DMD: variants seen among roughly 807,000 people sequenced by gnomAD.
DMD encodes the protein mutant dystrophin.
A neutral mutation model predicts 330.1 loss-of-function variants in DMD; 63 were observed. That is an observed-to-expected ratio of 0.19 (90% CI 0.16 to 0.24). The LOEUF (loss-of-function observed/expected upper bound fraction) is 0.24. Among genes scored for constraint, DMD ranks in the 10% least tolerant of loss-of-function variants. The probability of loss-of-function intolerance (pLI) is 1.00; values close to 1 mark genes in which losing one functional copy is unlikely to be tolerated. For missense variants in DMD, 3,344 were observed against 2,684.1 expected (o/e 1.25, Z -5.43); for synonymous variants, 1,223 against 959.8 (o/e 1.27, Z -5.07).
At chrX:33,047,785 C>T (rs964860524) in intron 1 of DMD, among the ~76,000 whole-genome samples, 35 of 111,678 alleles carry the variant, frequency 3.1e-4, no homozygotes, top group Admixed American at 9.6e-4. Context: ...CTCAGAATTA[C>T]CTGCTTCTCC....
intron 42 of DMD, among the ~76,000 whole-genome samples, chrX:32,303,629 G>A (rs1463419677): frequency 1.8e-5 from 2 of 110,825 alleles, no homozygotes; most frequent in East Asian, 2.8e-4. Context: ...TAACAGAGGA[G>A]CACATAACTT....
rs1180457594 is a variant in DMD at position 31,120,468 on chromosome X, C to CTGTT, written c.*1447_*1450dup. On this transcript the variant is annotated 3_prime_UTR_variant, in exon 79 of 79. Transcript: ENST00000357033. ...CAGTATCACAAATGTGATGGGGCTACTGTTTTACACCTTTTCCCAAAGTTT... is the reference window on the plus strand; with the variant it reads ...CAGTATCACAAATGTGATGGGGCTACTGTTTGTTTTACACCTTTTCCCAAAGTTT... 1 of 111,925 alleles carries CTGTT rather than the reference C, an allele frequency of 8.9e-6. No individual in the cohort carries two copies. Among genetic ancestry groups the CTGTT allele is most frequent in the South Asian group, 3.7e-4 (1 of 2,691 alleles). 9.2% of individuals were successfully genotyped at this position (111,925 alleles called of 1,213,427 possible). A position where few individuals can be genotyped will look rare whatever the true frequency, so the allele number is the denominator to read the frequency against.
intron 19 of DMD, among the ~76,000 whole-genome samples, chrX:32,495,293 A>G (rs2043381878): frequency 8.9e-6 from 1 of 111,790 alleles, no homozygotes; most frequent in African/African-American, 3.3e-5. Context: ...CTCAGCTTGG[A>G]GTAGAAAGAG....
intron 2 of DMD, among the ~76,000 whole-genome samples, chrX:32,940,053 A>G (rs1271964190): frequency 8.9e-6 from 1 of 111,806 alleles, no homozygotes; most frequent in Non-Finnish European, 1.9e-5. Flanking sequence ...TAGAACCAAA[A>G]AGGAGCCCAA....
intron 61 of DMD, among the ~76,000 whole-genome samples, chrX:31,340,008 G>A (rs1442492232): frequency 8.9e-6 from 1 of 112,589 alleles, no homozygotes; most frequent in Non-Finnish European, 1.9e-5. Flanking sequence ...ATTATTAGAT[G>A]TGCTTAAAGG....
In DMD at chrX:33,127,969, A is replaced by G. The variant is rs147546024; in HGVS notation, c.31+83313T>C. 10,514 of 1,022,647 alleles carry G rather than the reference A, an allele frequency of 0.01. 35 individuals are homozygous for G. Among genetic ancestry groups the G allele is most frequent in the Non-Finnish European group, 0.012 (9,606 of 780,767 alleles). 84.3% of individuals were successfully genotyped at this position (1,022,647 alleles called of 1,213,427 possible). On this transcript the variant is annotated intron_variant, in intron 1 of 78. Coordinates refer to ENST00000357033, the MANE Select transcript of DMD (RefSeq NM_004006.3). ...CAAACCCCTTTCTTCCCTTCCTCAC[A>G]ACAAAAGCCCCAATTTAACTTTTAT...
chrX:32,552,972 T>C (rs1489849987), intron 16 of DMD, among the ~76,000 whole-genome samples: 1 of 111,758 alleles, frequency 8.9e-6, no homozygotes, highest in East Asian at 2.8e-4. Flanking sequence ...CTGATATTAG[T>C]GTAAATTAGT....
In DMD at chrX:32,045,341, G is replaced by GTTT. The variant is rs768612902; in HGVS notation, c.6439-76830_6439-76828dup. 2.7e-3 allele frequency among the ~76,000 whole-genome samples: 258 copies of GTTT among 97,329 alleles called. 2 individuals are homozygous for GTTT. Among genetic ancestry groups the GTTT allele is most frequent in the African/African-American group, 9.5e-3 (238 of 25,022 alleles). The allele number at this position is 97,329 out of a possible 115,157, so 84.5% of individuals were successfully genotyped here. ...TAGCAGCTGAGTTCTTGAGCGATCT[G>GTTT]TTTTGTTTTTTTTTTTTTTAAATGT... On this transcript the variant is annotated intron_variant, in intron 44 of 78. Transcript: ENST00000357033.
chrX:31,950,133 A>T (rs993847990), intron 45 of DMD, among the ~76,000 whole-genome samples: 5 of 111,316 alleles, frequency 4.5e-5, no homozygotes, highest in Admixed American at 9.6e-5. Context: ...AGGTATTTAA[A>T]ACTAGAAGTT....
intron 1 of DMD, among the ~76,000 whole-genome samples, chrX:33,244,574 T>C (rs1473194612): frequency 3.6e-5 from 4 of 112,042 alleles, no homozygotes; most frequent in Admixed American, 9.5e-5. Context: ...ATGATCCTTT[T>C]GCTTGGTTTG....
chrX:32,173,066 G>GGGGTGTGTGTGTGTGTGT (rs1246394111), intron 44 of DMD, among the ~76,000 whole-genome samples: 6 of 89,623 alleles, frequency 6.7e-5, no homozygotes, highest in African/African-American at 2.2e-4. Flanking sequence ...ACCTGATTTT[G>GGGGTGTGTGTGTGTGTGT]GTGTGTGTGT....
chrX:31,943,359 C>T (rs1444753571), intron 45 of DMD, among the ~76,000 whole-genome samples: 2 of 112,412 alleles, frequency 1.8e-5, no homozygotes, highest in Non-Finnish European at 3.8e-5. Flanking sequence ...AACTACTCCT[C>T]ACCCCTTGAA....
chrX:31,659,167 G>A (rs73617095), intron 53 of DMD, among the ~76,000 whole-genome samples: 2,222 of 111,665 alleles, frequency 0.02, 61 homozygotes, highest in African/African-American at 0.068. Flanking sequence ...GCACATTCAC[G>A]TATTACTGCT....
intron 64 of DMD, among the ~76,000 whole-genome samples, chrX:31,220,537 C>G (rs1223974334): frequency 8.9e-6 from 1 of 111,741 alleles, no homozygotes; most frequent in Non-Finnish European, 1.9e-5. Flanking sequence ...TTCTTTCCTC[C>G]TGGCCATTCC....
At chrX:32,331,376 A>G (rs1352087173) in intron 41 of DMD, among the ~76,000 whole-genome samples, 1 of 111,949 alleles carries the variant, frequency 8.9e-6, no homozygotes, top group Non-Finnish European at 1.9e-5. Flanking sequence ...ATCTGATGCT[A>G]AAAATGAGTT....
intron 62 of DMD, among the ~76,000 whole-genome samples, chrX:31,317,383 T>C (rs1363296052): frequency 1.8e-5 from 2 of 111,719 alleles, no homozygotes; most frequent in South Asian, 3.8e-4. Context: ...CACAAAATTA[T>C]ATACTACATG....
intron 44 of DMD, among the ~76,000 whole-genome samples, chrX:32,042,188 T>TAA (rs200631060): frequency 2.3e-5 from 1 of 43,940 alleles, no homozygotes; most frequent in East Asian, 5.4e-4. Flanking sequence ...TATACATACA[T>TAA]ATACACACAC....
At chrX:31,152,765 C>A (rs1392508179) in intron 74 of DMD, among the ~76,000 whole-genome samples, 2 of 112,259 alleles carry the variant, frequency 1.8e-5, no homozygotes, top group Non-Finnish European at 3.8e-5. Context: ...GTCTCAAACA[C>A]CTGGGCACAA....
At chrX:31,986,404 TTTTG>T (rs1164480128) in intron 44 of DMD, among the ~76,000 whole-genome samples, 9 of 110,632 alleles carry the variant, frequency 8.1e-5, no homozygotes, top group Middle Eastern at 4.7e-3. Context: ...ATAGGTGCTT[TTTTG>T]TTTGTTTGTT....
Sources: allele counts gnomAD v4.1 joint callset (sites outside exome capture counted in the v4.1 genomes callset), GRCh38; gene constraint gnomAD v4.1.1; transcripts MANE v1.5; gene names NCBI Gene and HGNC (gene_info 2026-07-23, HGNC 2026-07-21).